The following NAV2 variants were observed in gnomAD, a reference collection of about 807,000 sequenced individuals.
NAV2 encodes the protein helicase, APC down-regulated 1.
A neutral mutation model predicts 223.2 loss-of-function variants in NAV2; 54 were observed. That is an observed-to-expected ratio of 0.24 (90% CI 0.19 to 0.30). The LOEUF (loss-of-function observed/expected upper bound fraction) is 0.30, where lower values mean the gene tolerates loss of function less well. Ranked by LOEUF, NAV2 falls within the 10% of genes least tolerant of loss-of-function variation. NAV2 has a pLI of 1.00. For synonymous variants in NAV2, 1,279 were observed against 1,239.3 expected, an observed-to-expected ratio of 1.03 and a Z score of -0.67; for missense variants, 2,806 against 3,147.5, an observed-to-expected ratio of 0.89 and a Z score of 2.60.
intron 10 of NAV2, among the ~76,000 whole-genome samples, chr11:19,962,211 C>G (rs2048400806): frequency 6.6e-6 from 1 of 151,740 alleles, no homozygotes; most frequent in East Asian, 2.0e-4. Context: ...AGAATCCCCT[C>G]TTGCTCAGAG....
chr11:19,803,801 G>A (rs1046461875), intron 1 of NAV2, among the ~76,000 whole-genome samples: 8 of 152,236 alleles, frequency 5.3e-5, no homozygotes, highest in African/African-American at 1.9e-4. Flanking sequence ...CTACCTGAGA[G>A]CTTGAAAAAG....
intron 22 of NAV2, among the ~76,000 whole-genome samples, chr11:20,071,860 A>C (rs1021950571): frequency 1.3e-5 from 2 of 152,004 alleles, no homozygotes; most frequent in Non-Finnish European, 2.9e-5. Context: ...TGTCAGATGG[A>C]TAGATTGCAA....
chr11:19,481,040 G>A (rs1370567725), intron 1 of NAV2, among the ~76,000 whole-genome samples: 3 of 152,182 alleles, frequency 2.0e-5, no homozygotes, highest in African/African-American at 7.2e-5. Context: ...CGTAGCACCT[G>A]CAGCCCGGAC....
chr11:19,740,212 G>T (rs2052674043), intron 1 of NAV2, among the ~76,000 whole-genome samples: 3 of 152,186 alleles, frequency 2.0e-5, no homozygotes, highest in Non-Finnish European at 4.4e-5. Flanking sequence ...GTGTGAAGGG[G>T]TTTATTCAAA....
At chr11:19,938,618 G>A (rs1157144979) in intron 7 of NAV2, among the ~76,000 whole-genome samples, 4 of 152,152 alleles carry the variant, frequency 2.6e-5, no homozygotes, top group African/African-American at 4.8e-5. Flanking sequence ...TTTCCACACC[G>A]GGCTGCCATT....
chr11:20,094,493 G>T (rs1191761122), intron 29 of NAV2, among the ~76,000 whole-genome samples: 2 of 152,040 alleles, frequency 1.3e-5, no homozygotes, highest in African/African-American at 2.4e-5. Flanking sequence ...CTCCCAAAGT[G>T]TTGGGATTAT....
intron 1 of NAV2, among the ~76,000 whole-genome samples, chr11:19,825,179 C>A (rs1252588444): frequency 1.3e-5 from 2 of 150,232 alleles, no homozygotes; most frequent in Non-Finnish European, 3.0e-5. Flanking sequence ...TTAATCCCAG[C>A]TACTTGGGAG....
intron 1 of NAV2, among the ~76,000 whole-genome samples, chr11:19,742,532 C>T (rs146979066): frequency 4.3e-4 from 66 of 152,256 alleles, no homozygotes; most frequent in Non-Finnish European, 2.8e-4. Flanking sequence ...CTACCCACTA[C>T]GTGAGGCGCT....
chr11:20,044,000 C>T lies in NAV2; in HGVS notation c.2927C>T (p.Ser976Leu), dbSNP rs2057205069. Residue 976 changes from serine to leucine, a missense_variant, in exon 13 of 38, where the codon TCA becomes TTA. Around this residue, in one of 4 missense-constraint regions of NAV2, gnomAD observed 73 missense variants for 119.7 expected, o/e 0.61. Transcript: ENST00000349880. ...CCACAGACTGATGCTGAGAAGCACT[C>T]ACAGGTGGAGAGGAATTCCCTGTGG... ...LDVQTDAEKHSQVERNSLWSG... is the reference protein window; with the variant it reads ...LDVQTDAEKHLQVERNSLWSG... The T allele has an allele frequency of 6.2e-7, 1 of 1,613,894 alleles. No homozygotes were observed. The highest frequency in any genetic ancestry group is 1.3e-5 in the African/African-American group (1 of 74,900).
At chr11:19,824,090 T>C (rs916270068) in intron 1 of NAV2, among the ~76,000 whole-genome samples, 1 of 152,160 alleles carries the variant, frequency 6.6e-6, no homozygotes, top group African/African-American at 2.4e-5. Context: ...TGTTATTCAT[T>C]TGAATATTAA....
chr11:19,965,777 G>A (rs932176930), intron 10 of NAV2, among the ~76,000 whole-genome samples: 7 of 152,202 alleles, frequency 4.6e-5, no homozygotes, highest in African/African-American at 1.7e-4. Context: ...ATTTCATTAT[G>A]TTCATGGGGT....
chr11:19,502,087 A>G (rs537792786), intron 1 of NAV2, among the ~76,000 whole-genome samples: 3 of 152,352 alleles, frequency 2.0e-5, no homozygotes, highest in African/African-American at 7.2e-5. Context: ...CCATGAATTC[A>G]GATCATCTCT....
chr11:19,934,600 T>G (rs906300785), intron 7 of NAV2, among the ~76,000 whole-genome samples: 5 of 151,922 alleles, frequency 3.3e-5, no homozygotes, highest in Admixed American at 2.6e-4. Context: ...GGCCTAAATA[T>G]GAGGGTGGGG....
chr11:19,616,043 C>T (rs2046778812), intron 1 of NAV2, among the ~76,000 whole-genome samples: 1 of 152,148 alleles, frequency 6.6e-6, no homozygotes, highest in Middle Eastern at 3.2e-3. Flanking sequence ...CACAGCCACA[C>T]AGCTCAGGGG....
At chr11:19,778,608 C>A (rs2056485719) in intron 1 of NAV2, among the ~76,000 whole-genome samples, 1 of 152,170 alleles carries the variant, frequency 6.6e-6, no homozygotes, top group South Asian at 2.1e-4. Context: ...AAAGCTGGGT[C>A]TTCATATAAT....
intron 18 of NAV2, among the ~76,000 whole-genome samples, 159 bp from the exon 19 acceptor site, chr11:20,055,610 A>G (rs957916742): frequency 2.0e-5 from 3 of 152,348 alleles, no homozygotes; most frequent in Admixed American, 1.3e-4. Context: ...CCCGGTGTGT[A>G]ACTCAAATGC....
intron 1 of NAV2, among the ~76,000 whole-genome samples, chr11:19,771,453 C>G (rs1470305351): frequency 6.6e-6 from 1 of 152,044 alleles, no homozygotes; most frequent in Non-Finnish European, 1.5e-5. Flanking sequence ...ACCTTCCATG[C>G]TGAGGGAACA....
chr11:19,597,696 C>T (rs1160694784), intron 1 of NAV2, among the ~76,000 whole-genome samples: 2 of 152,202 alleles, frequency 1.3e-5, no homozygotes, highest in Non-Finnish European at 2.9e-5. Context: ...TGATAGTGGA[C>T]CTTTGTCTCT....
In NAV2 at chr11:19,945,099, TC is replaced by T; in HGVS notation, c.2147-1301del. 3.2e-5 allele frequency among the ~76,000 whole-genome samples: 4 copies of T among 125,148 alleles called. No homozygotes were observed. The Admixed American group carries it at 3.5e-4, about 11-fold the overall frequency. 82.1% of individuals were successfully genotyped at this position (125,148 alleles called of 152,430 possible). A position where few individuals can be genotyped will look rare whatever the true frequency, so the allele number is the denominator to read the frequency against. ...TTTTCTTTTCTCTTTTCTTCTCTTC[TC>T]TTCTTTCTTTTTTTCTCTTTCTTTC... On this transcript the variant is annotated intron_variant, in intron 8 of 37. Coordinates refer to ENST00000349880, the MANE Select transcript of NAV2 (RefSeq NM_145117.5).
Sources: allele counts gnomAD v4.1 joint callset (sites outside exome capture counted in the v4.1 genomes callset), GRCh38; gene constraint gnomAD v4.1.1; regional missense constraint gnomAD v4.1.1; transcripts MANE v1.5; gene names NCBI Gene and HGNC (gene_info 2026-07-23, HGNC 2026-07-21).